The following SULT2B1 variants were observed in gnomAD, a reference collection of about 807,000 sequenced individuals.
SULT2B1 encodes the protein sulfotransferase 2B1.
A neutral mutation model predicts 33.2 loss-of-function variants in SULT2B1; 16 were observed. The ratio of observed to expected loss-of-function variants is 0.48; its 90% CI spans 0.33 to 0.73. SULT2B1 has a LOEUF of 0.73. Among genes scored for constraint, SULT2B1 ranks in the 30% least tolerant of loss-of-function variants. The probability of loss-of-function intolerance (pLI) is 0.02; values close to 1 mark genes in which losing one functional copy is unlikely to be tolerated. For synonymous variants in SULT2B1, 186 were observed against 200.5 expected (o/e 0.93, Z 0.61); for missense variants, 500 against 506.0 (o/e 0.99, Z 0.11).
rs780816664 is a variant in SULT2B1, at chr19:48,599,187, C to T, written c.879C>T (p.Phe293=). The change falls in exon 7 of 7, where the codon TTC becomes TTT. Residue 293 remains phenylalanine (F), a synonymous_variant. Transcript: ENST00000201586. This position sits in a 1 kb window ranked among gnomAD's most constrained non-coding sequence, Gnocchi z 4.1. ...NHFTVAQSEA[F]DRAYRKQMRG... ...TCACGGTGGCCCAGAGCGAAGCCTT[C>T]GATCGTGCCTACCGCAAGCAGATGC... 4 of 1,602,262 alleles carry T rather than the reference C, an allele frequency of 2.5e-6. No individual in the cohort carries two copies. The highest frequency in any genetic ancestry group is 1.7e-5 in the Admixed American group (1 of 59,082).
At chr19:48,575,442 T>C (rs1232402132) in intron 1 of SULT2B1, 3 of 140,824 alleles carry the variant, frequency 2.1e-5, no homozygotes, top group African/African-American at 7.9e-5. Flanking sequence ...CTGGGATCTT[T>C]ATTAACTTTT....
intron 5 of SULT2B1, 102 bp from the exon 6 acceptor site, chr19:48,596,637 C>T (rs746713364): frequency 1.6e-5 from 21 of 1,284,802 alleles, no homozygotes; most frequent in Non-Finnish European, 2.2e-5. Context: ...CAGCGTCCCT[C>T]AGGCAGCCCC....
At chr19:48,592,680 C>T (rs1423451148) in intron 4 of SULT2B1, 42 bp from the exon 5 acceptor site, 5 of 1,530,688 alleles carry the variant, frequency 3.3e-6, no homozygotes, top group East Asian at 2.4e-5. Context: ...CTGGGGGAAC[C>T]CCGCCACTCA....
rs36003772 is a variant in SULT2B1, at chr19:48,588,209, C to CAAA, written c.423+787_423+789dup. ...TGGGAGACAGACCAAGATTTCATCT[C>CAAA]AAAAAAAAAAAAAAAAATTACAGCC... On this transcript the variant is annotated intron_variant, in intron 3 of 6. Transcript: ENST00000201586. Among the ~76,000 whole-genome samples the CAAA allele has an allele frequency of 1.5e-3, 178 of 116,118 alleles. 3 individuals are homozygous for CAAA. The highest frequency in any genetic ancestry group is 4.9e-3 in the African/African-American group (153 of 31,256). The allele number at this position is 116,118 out of a possible 152,430, so 76.2% of individuals were successfully genotyped here. A position where few individuals can be genotyped will look rare whatever the true frequency, so the allele number is the denominator to read the frequency against.
At chr19:48,582,304 G>A (rs1466166989) in intron 2 of SULT2B1, among the ~76,000 whole-genome samples, 1 of 152,164 alleles carries the variant, frequency 6.6e-6, no homozygotes, top group East Asian at 1.9e-4. Context: ...TAGTTCCGTG[G>A]TATTTCATAA....
intron 1 of SULT2B1, among the ~76,000 whole-genome samples, chr19:48,555,339 G>A (rs186445179): frequency 2.3e-4 from 35 of 152,160 alleles, no homozygotes; most frequent in African/African-American, 7.2e-4. Context: ...TGATCCACCC[G>A]CCTTGGTCTC....
chr19:48,597,953 CT>C (rs1010679962), intron 6 of SULT2B1, among the ~76,000 whole-genome samples: 5 of 152,110 alleles, frequency 3.3e-5, no homozygotes, highest in African/African-American at 1.2e-4. Context: ...ATCTTCTAAT[CT>C]CTGACCCTCC....
chr19:48,563,875 G>A (rs1043410414), intron 1 of SULT2B1, among the ~76,000 whole-genome samples: 4 of 151,202 alleles, frequency 2.6e-5, no homozygotes, highest in African/African-American at 4.9e-5. Context: ...TGAGGCAGGA[G>A]AATCGTTTGA....
intron 2 of SULT2B1, among the ~76,000 whole-genome samples, chr19:48,583,957 C>G (rs1316912040): frequency 6.6e-6 from 1 of 152,104 alleles, no homozygotes; most frequent in Non-Finnish European, 1.5e-5. Context: ...ACTAAAAATA[C>G]AAAAATTAGC....
chr19:48,575,920 G>T (rs763446565), intron 1 of SULT2B1, 21 bp from the exon 2 acceptor site: 4 of 1,603,686 alleles, frequency 2.5e-6, no homozygotes. Context: ...CCCTCATGGC[G>T]TCTCCCCCAC....
chr19:48,565,634 C>T (rs1014376832), intron 1 of SULT2B1, among the ~76,000 whole-genome samples: 1 of 152,078 alleles, frequency 6.6e-6, no homozygotes, highest in African/African-American at 2.4e-5. Flanking sequence ...CCTGCCTCGG[C>T]CTTCCAAAGT....
intron 2 of SULT2B1, among the ~76,000 whole-genome samples, chr19:48,581,801 T>G (rs1601103253): frequency 2.6e-5 from 4 of 151,724 alleles, no homozygotes. Context: ...GATCAGATAC[T>G]TGTTTTGCAA....
At chr19:48,557,742 C>T (rs1341570290) in intron 1 of SULT2B1, among the ~76,000 whole-genome samples, 3 of 151,660 alleles carry the variant, frequency 2.0e-5, no homozygotes, top group African/African-American at 7.3e-5. Flanking sequence ...CATGGAGAAA[C>T]CCCGTCTCTA....
At chr19:48,579,439 T>C (rs904709553) in intron 2 of SULT2B1, among the ~76,000 whole-genome samples, 3 of 150,666 alleles carry the variant, frequency 2.0e-5, no homozygotes, top group African/African-American at 7.4e-5. Flanking sequence ...CCCACCACCA[T>C]ACCCAGCTAA....
chr19:48,592,967 T>A, intron 5 of SULT2B1, 151 bp downstream of exon 5: 1 of 670,712 alleles, frequency 1.5e-6, no homozygotes. Context: ...ACAGAGGCCC[T>A]GAGCCTGTGA....
chr19:48,552,745 A>G lies in SULT2B1; in HGVS notation c.71+422A>G, dbSNP rs75156895. 5.3e-5 allele frequency among the ~76,000 whole-genome samples: 8 copies of G among 152,104 alleles called. No individual in the cohort carries two copies. In the East Asian group the frequency reaches 1.4e-3, roughly 26 times the overall value. On this transcript the variant is annotated intron_variant, in intron 1 of 6. Coordinates refer to ENST00000201586, the MANE Select transcript of SULT2B1 (RefSeq NM_177973.2). This position sits in a 1 kb window ranked among gnomAD's most constrained non-coding sequence, Gnocchi z 4.8. ...AATAACGGGGGTGCTTGGGGGTGAA[A>G]TGGGAGAGACTGGGATGCTGCTGAG...
intron 5 of SULT2B1, among the ~76,000 whole-genome samples, chr19:48,595,024 T>A (rs959164269): frequency 6.6e-6 from 1 of 151,330 alleles, no homozygotes; most frequent in African/African-American, 2.4e-5. Flanking sequence ...TTAGTCTCAT[T>A]GTAATCCCAG....
chr19:48,556,745 G>A (rs1244322918), intron 1 of SULT2B1, among the ~76,000 whole-genome samples: 2 of 151,996 alleles, frequency 1.3e-5, no homozygotes, highest in African/African-American at 2.4e-5. Context: ...GAGGTCAGGA[G>A]TTCAAGACCA....
intron 2 of SULT2B1, among the ~76,000 whole-genome samples, chr19:48,576,730 C>A (rs1213100748): frequency 6.7e-6 from 1 of 149,612 alleles, no homozygotes; most frequent in Non-Finnish European, 1.5e-5. Context: ...GCCTTGACCT[C>A]CTGGACTCAC....
Sources: gnomAD v4.1 joint callset for allele counts (sites outside exome capture counted in the v4.1 genomes callset) on GRCh38, gnomAD v4.1.1 for gene constraint, Gnocchi (gnomAD v3.1) non-coding constraint, MANE v1.5 for transcripts, NCBI Gene and HGNC (gene_info 2026-07-23, HGNC 2026-07-21) for gene names.